Variants in PRTG observed in about 807,000 individuals in gnomAD.
The protein encoded by PRTG is protogenin, also known as immunoglobulin superfamily, DCC subclass, member 5.
In PRTG, 67 loss-of-function variants were observed where a neutral mutation model predicts 122.5. The observed-to-expected ratio is 0.55, with a 90% confidence interval of 0.45 to 0.67. The LOEUF is 0.67. Among genes scored for constraint, PRTG ranks in the 30% least tolerant of loss-of-function variants. The pLI is 0.00. For synonymous variants in PRTG, 554 were observed against 501.1 expected, an observed-to-expected ratio of 1.11 and a Z score of -1.41; for missense variants, 1,435 against 1,415.4, an observed-to-expected ratio of 1.01 and a Z score of -0.22.
chr15:55,719,912 A>G (rs1002624548), intron 2 of PRTG, among the ~76,000 whole-genome samples: 1 of 151,036 alleles, frequency 6.6e-6, no homozygotes, highest in Non-Finnish European at 1.5e-5. Flanking sequence ...CACAAAAAAA[A>G]TTAGCCGGGC....
intron 11 of PRTG, among the ~76,000 whole-genome samples, chr15:55,661,224 A>G (rs2059407840): frequency 6.6e-6 from 1 of 152,194 alleles, no homozygotes; most frequent in Non-Finnish European, 1.5e-5. Flanking sequence ...CCCTGAGTAC[A>G]AGAGAGACAG....
intron 2 of PRTG, among the ~76,000 whole-genome samples, chr15:55,727,594 G>A (rs989991076): frequency 1.5e-4 from 23 of 152,228 alleles, no homozygotes; most frequent in African/African-American, 5.1e-4. Context: ...TGAGGAATTC[G>A]AGACCAGCCT....
At chr15:55,680,690 TA>T (rs757041414) in intron 4 of PRTG, 62 bp from the exon 5 acceptor site, 54 of 1,106,258 alleles carry the variant, frequency 4.9e-5, no homozygotes, top group Non-Finnish European at 6.1e-5. Flanking sequence ...TAAGTGAAAT[TA>T]GTGAGACATT....
chr15:55,727,100 A>C (rs184337932), intron 2 of PRTG, among the ~76,000 whole-genome samples: 34 of 152,242 alleles, frequency 2.2e-4, no homozygotes, highest in South Asian at 2.1e-4. Flanking sequence ...ACCTTGAAGA[A>C]CCAGAAAAAG....
intron 15 of PRTG, among the ~76,000 whole-genome samples, chr15:55,634,610 G>A (rs2059245947): frequency 6.6e-6 from 1 of 152,012 alleles, no homozygotes; most frequent in Non-Finnish European, 1.5e-5. Context: ...GGAGGCTGAG[G>A]TGGGCAGATT....
At position 55,627,119 on chromosome 15, in the gene PRTG, C is replaced by G; in HGVS notation, c.2816G>C (p.Gly939Ala). The G allele has an allele frequency of 1.3e-6, 2 of 1,592,364 alleles. No individual in the cohort carries two copies. The highest frequency in any genetic ancestry group is 1.7e-6 in the Non-Finnish European group (2 of 1,163,948). Reference sequence around the variant, plus strand: ...TGATTTTTGGTCCAGATGGTAATATCCTGAATAAACTAGAAGGGAAAACAC... The same window carrying G: ...TGATTTTTGGTCCAGATGGTAATATGCTGAATAAACTAGAAGGGAAAACAC... ...LDSADAKVYS[G>A]YYHLDQKSMT... The change falls in exon 17 of 20, where the codon GGA becomes GCA. Residue 939 changes from glycine to alanine, a missense_variant. By Grantham distance (60) the Gly-to-Ala change is moderately conservative. Coordinates refer to ENST00000389286, the MANE Select transcript of PRTG (RefSeq NM_173814.6).
At chr15:55,634,944 T>G (rs2059248391) in intron 15 of PRTG, among the ~76,000 whole-genome samples, 1 of 152,220 alleles carries the variant, frequency 6.6e-6, no homozygotes, top group Non-Finnish European at 1.5e-5. Flanking sequence ...GGTTTCAGAC[T>G]TGGCCATGTA....
chr15:55,702,757 G>C, intron 2 of PRTG: 1 of 194,456 alleles, frequency 5.1e-6, no homozygotes, highest in Non-Finnish European at 9.4e-6. Context: ...CCTCTGCTGA[G>C]AAGCTAGGAG....
intron 13 of PRTG, 107 bp downstream of exon 13, chr15:55,639,535 G>A: frequency 1.1e-6 from 1 of 875,938 alleles, no homozygotes; most frequent in Non-Finnish European, 1.8e-6. Context: ...TGAAACAAAT[G>A]CTTACAGGTG....
chr15:55,706,284 T>C (rs932117980), intron 2 of PRTG, among the ~76,000 whole-genome samples: 1 of 151,686 alleles, frequency 6.6e-6, no homozygotes, highest in African/African-American at 2.4e-5. Flanking sequence ...AACTGAGAGT[T>C]GGGGATGGCA....
At chr15:55,670,962 G>A (rs1393048287) in intron 11 of PRTG, among the ~76,000 whole-genome samples, 1 of 149,920 alleles carries the variant, frequency 6.7e-6, no homozygotes, top group East Asian at 2.0e-4. Context: ...CACTTTGTGT[G>A]TGCACACAAA....
intron 2 of PRTG, among the ~76,000 whole-genome samples, chr15:55,693,918 C>T (rs530965834): frequency 3.7e-4 from 56 of 152,090 alleles, no homozygotes; most frequent in Non-Finnish European, 7.2e-4. Context: ...CAGTGATCCT[C>T]ATATACAATA....
rs1362545293 is a variant in PRTG, at chr15:55,612,723, T to C, written c.*7289A>G. ...ATATATATATATATATATATATATA[T>C]ATATATATATATATATATATATATA... On this transcript the variant is annotated 3_prime_UTR_variant, in exon 20 of 20. Transcript: ENST00000389286. The C allele has an allele frequency of 4.1e-5, 1 of 24,146 alleles. No individual in the cohort carries two copies. Among genetic ancestry groups the C allele is most frequent in the African/African-American group, 5.4e-5 (1 of 18,654 alleles). 1.5% of individuals were successfully genotyped at this position (24,146 alleles called of 1,614,324 possible).
chr15:55,636,472 A>C (rs1231352049), intron 15 of PRTG, among the ~76,000 whole-genome samples: 1 of 151,880 alleles, frequency 6.6e-6, no homozygotes, highest in Middle Eastern at 3.2e-3. Flanking sequence ...TCTATCATCC[A>C]AGCTATCAAG....
intron 2 of PRTG, among the ~76,000 whole-genome samples, chr15:55,736,552 G>A (rs368473891): frequency 2.6e-4 from 39 of 151,946 alleles, no homozygotes; most frequent in African/African-American, 9.2e-4. Flanking sequence ...AACTTAAATT[G>A]ATGTATGTTT....
chr15:55,728,676 C>T (rs1265753855), intron 2 of PRTG, among the ~76,000 whole-genome samples: 1 of 152,168 alleles, frequency 6.6e-6, no homozygotes, highest in Non-Finnish European at 1.5e-5. Flanking sequence ...AAGCTTTTCT[C>T]CTCTGATCAA....
At position 55,677,900 on chromosome 15, in the gene PRTG, A is replaced by G. The variant is rs2059511996; in HGVS notation, c.1278T>C (p.His426=). The part of the protein sequence containing the change: ...EDRPSAPYNV[H]AETMSSSAIL... ...TGGCTGAGCTTGACATGGTTTCAGCATGTACATTATAGGGAGCACTGGGTC... is the reference window on the plus strand; with the variant it reads ...TGGCTGAGCTTGACATGGTTTCAGCGTGTACATTATAGGGAGCACTGGGTC... Residue 426 remains histidine (H), a synonymous_variant, in exon 8 of 20, where the codon CAT becomes CAC. Transcript: ENST00000389286. 2 of 1,613,830 alleles carry G rather than the reference A, an allele frequency of 1.2e-6. No homozygotes were observed. The highest frequency in any genetic ancestry group is 1.3e-5 in the African/African-American group (1 of 74,914).
intron 2 of PRTG, among the ~76,000 whole-genome samples, chr15:55,688,576 C>G (rs552681473): frequency 6.6e-6 from 1 of 152,318 alleles, no homozygotes; most frequent in African/African-American, 2.4e-5. Context: ...TGGCTCATGC[C>G]TGTAATCCCA....
At chr15:55,741,208 T>C (rs1214952626) in intron 1 of PRTG, among the ~76,000 whole-genome samples, 1 of 152,246 alleles carries the variant, frequency 6.6e-6, no homozygotes, top group East Asian at 1.9e-4. Context: ...TTTTTCTATC[T>C]GCCCTTTTAC....
Sources: gnomAD v4.1 joint callset for allele counts (sites outside exome capture counted in the v4.1 genomes callset) on GRCh38, gnomAD v4.1.1 for gene constraint, MANE v1.5 for transcripts, NCBI Gene and HGNC (gene_info 2026-07-23, HGNC 2026-07-21) for gene names.